The following SCHIP1 variants were observed in gnomAD, a reference collection of about 807,000 sequenced individuals.
SCHIP1 encodes schwannomin-interacting protein 1.
A neutral mutation model predicts 29.7 loss-of-function variants in SCHIP1; 8 were observed. The ratio of observed to expected loss-of-function variants is 0.27; its 90% CI spans 0.16 to 0.49. The LOEUF (loss-of-function observed/expected upper bound fraction) is 0.49. Ranked by LOEUF, SCHIP1 falls within the 20% of genes least tolerant of loss-of-function variation. SCHIP1 has a pLI of 0.99. For missense variants in SCHIP1, 193 were observed against 294.6 expected, an observed-to-expected ratio of 0.66 and a Z score of 2.52; for synonymous variants, 76 against 94.9, an observed-to-expected ratio of 0.80 and a Z score of 1.16.
the SCHIP1 span, among the ~76,000 whole-genome samples, chr3:159,512,257 C>T: frequency 6.6e-6 from 1 of 152,298 alleles, no homozygotes; most frequent in Non-Finnish European, 1.5e-5. Flanking sequence ...ATGCTAACTT[C>T]GTTCATCGGG....
the SCHIP1 span, among the ~76,000 whole-genome samples, chr3:159,458,793 A>G: frequency 2.0e-5 from 3 of 152,224 alleles, no homozygotes; most frequent in African/African-American, 7.2e-5. Context: ...CCATGGAGCT[A>G]GAAAGTTAAA....
the SCHIP1 span, among the ~76,000 whole-genome samples, chr3:159,644,591 C>T: frequency 6.6e-6 from 1 of 152,074 alleles, no homozygotes; most frequent in Non-Finnish European, 1.5e-5. Context: ...AGCTAAAATG[C>T]TCATCTCACA....
At chr3:159,401,714 T>C in the SCHIP1 span, among the ~76,000 whole-genome samples, 1 of 152,206 alleles carries the variant, frequency 6.6e-6, no homozygotes, top group Non-Finnish European at 1.5e-5. Context: ...GTTTTAGACA[T>C]GAAGTCCTTG....
chr3:159,631,517 C>T, the SCHIP1 span, among the ~76,000 whole-genome samples: 3 of 152,208 alleles, frequency 2.0e-5, no homozygotes, highest in South Asian at 4.1e-4. Flanking sequence ...TTATGACACA[C>T]GCTACCCTGT....
the SCHIP1 span, among the ~76,000 whole-genome samples, chr3:159,296,636 A>G: frequency 1.3e-5 from 2 of 152,234 alleles, no homozygotes; most frequent in Admixed American, 1.3e-4. Context: ...TTAGCTGGGC[A>G]TGGTGGGGGG....
the SCHIP1 span, among the ~76,000 whole-genome samples, chr3:159,385,575 C>CA: frequency 1.8e-3 from 237 of 133,120 alleles, 8 homozygotes; most frequent in South Asian, 0.044. Context: ...AACAAACAAA[C>CA]AAAAAAAAAA....
chr3:159,680,514 A>T, the SCHIP1 span, among the ~76,000 whole-genome samples: 3 of 125,386 alleles, frequency 2.4e-5, no homozygotes, highest in East Asian at 6.2e-4. Context: ...TCTCAAAAAA[A>T]AAATATATAT....
chr3:159,780,037 T>C, the SCHIP1 span, among the ~76,000 whole-genome samples: 1 of 152,126 alleles, frequency 6.6e-6, no homozygotes, highest in Admixed American at 6.5e-5. Flanking sequence ...CAGCTTCCGT[T>C]TGGGGGACTA....
rs534861340 is a variant in SCHIP1 at position 159,878,523 on chromosome 3, A to G, written c.150-7684A>G. Among the ~76,000 whole-genome samples, 3 of 151,934 alleles carry G rather than the reference A, an allele frequency of 2.0e-5. No individual in the cohort carries two copies. The South Asian group carries it at 6.2e-4, about 32-fold the overall frequency. ...GCCGGGCGCGGTGGCTCACGCCTGT[A>G]ATCCCAGCACTTTGGGAGGCCGAGG... On this transcript the variant is annotated intron_variant, in intron 2 of 6. Transcript: ENST00000445224.
chr3:159,361,801 A>C, the SCHIP1 span, among the ~76,000 whole-genome samples: 1 of 152,228 alleles, frequency 6.6e-6, no homozygotes, highest in Non-Finnish European at 1.5e-5. Flanking sequence ...GTTGTGATTT[A>C]AAAAATGTAT....
At chr3:159,323,342 G>A in the SCHIP1 span, among the ~76,000 whole-genome samples, 1 of 152,146 alleles carries the variant, frequency 6.6e-6, no homozygotes, top group African/African-American at 2.4e-5. Flanking sequence ...CTCCCACTTT[G>A]TCTCTCTGAA....
At chr3:159,828,379 A>ATATACG in the SCHIP1 span, among the ~76,000 whole-genome samples, 4 of 81,874 alleles carry the variant, frequency 4.9e-5, no homozygotes, top group African/African-American at 1.4e-4. Context: ...ATATATACAT[A>ATATACG]TATATATACA....
the SCHIP1 span, among the ~76,000 whole-genome samples, chr3:159,399,965 G>A: frequency 6.6e-6 from 1 of 152,218 alleles, no homozygotes; most frequent in African/African-American, 2.4e-5. Context: ...GGCTTCACCT[G>A]GGCATATTTT....
chr3:159,533,598 C>T, the SCHIP1 span, among the ~76,000 whole-genome samples: 1 of 152,086 alleles, frequency 6.6e-6, no homozygotes, highest in Non-Finnish European at 1.5e-5. Context: ...GGACTGACTC[C>T]TTCACAAGCC....
the SCHIP1 span, among the ~76,000 whole-genome samples, chr3:159,545,620 A>AAT: frequency 1.7e-3 from 254 of 148,858 alleles, 1 homozygote; most frequent in African/African-American, 5.8e-3. Context: ...ACATATACAC[A>AAT]ATATATATAC....
the SCHIP1 span, among the ~76,000 whole-genome samples, chr3:159,295,488 A>G: frequency 2.0e-4 from 30 of 152,270 alleles, no homozygotes; most frequent in Admixed American, 5.9e-4. Flanking sequence ...TTAAAATATT[A>G]TTCTCAGCAC....
chr3:159,441,889 G>T, the SCHIP1 span, among the ~76,000 whole-genome samples: 2 of 151,894 alleles, frequency 1.3e-5, no homozygotes, highest in Non-Finnish European at 2.9e-5. Context: ...TAGAGATAGG[G>T]TTTCCCTATG....
the SCHIP1 span, among the ~76,000 whole-genome samples, chr3:159,471,811 A>G: frequency 6.6e-6 from 1 of 152,174 alleles, no homozygotes; most frequent in Non-Finnish European, 1.5e-5. Context: ...GTGGAAATCA[A>G]CTTATGGAAC....
rs9812520 is a variant in SCHIP1, at chr3:159,896,689, A to C, written c.684-34A>C. ...TGAAAAGCAGTTTGGATCTCTCTAC[A>C]TGATGCTAAATAATTGTATTAATTG... On this transcript the variant is annotated intron_variant, in intron 6 of 6. Transcript: ENST00000445224. 84 of 1,576,504 alleles carry C rather than the reference A, an allele frequency of 5.3e-5. 1 individual carries two copies. In the South Asian group the frequency reaches 9.5e-4, roughly 18 times the overall value.
Sources: gnomAD v4.1 joint callset for allele counts (sites outside exome capture counted in the v4.1 genomes callset) on GRCh38, gnomAD v4.1.1 for gene constraint, MANE v1.5 for transcripts, NCBI Gene and HGNC (gene_info 2026-07-23, HGNC 2026-07-21) for gene names.